STAB2: variants seen among roughly 807,000 people sequenced by gnomAD.
STAB2 encodes the protein stabilin 2, also known as stabilin-2.
Under a neutral mutation model 338.1 loss-of-function variants are expected in STAB2, and 288 were observed. The ratio of observed to expected loss-of-function variants is 0.85; its 90% CI spans 0.77 to 0.94. The LOEUF is 0.94. Ranked by LOEUF, STAB2 falls within the 40% of genes least tolerant of loss-of-function variation. STAB2 has a pLI of 0.00. For missense variants in STAB2, 3,141 were observed against 3,210.1 expected, an observed-to-expected ratio of 0.98 and a Z score of 0.52; for synonymous variants, 1,202 against 1,193.3, an observed-to-expected ratio of 1.01 and a Z score of -0.15.
rs548237724 is a variant in STAB2 at position 103,591,007 on chromosome 12, C to T, written c.192C>T (p.Gly64=). ...CPDGYTMITS[G]SVGVRDCRYT... ...ATGGTTACACCATGATTACCAGTGGCTCTGTAGGGGTTCGAGATTGCAGGT... is the reference window on the plus strand; with the variant it reads ...ATGGTTACACCATGATTACCAGTGGTTCTGTAGGGGTTCGAGATTGCAGGT... Residue 64 remains glycine, a synonymous_variant, in exon 2 of 69, where the codon GGC becomes GGT. Coordinates refer to ENST00000388887, the MANE Select transcript of STAB2 (RefSeq NM_017564.10). The T allele has an allele frequency of 8.4e-5, 136 of 1,614,022 alleles. 2 individuals carry two copies. In the South Asian group the frequency reaches 1.4e-3, roughly 16 times the overall value.
chr12:103,753,400 C>T (rs3751199), intron 61 of STAB2, 47 bp downstream of exon 61: 93 of 1,612,368 alleles, frequency 5.8e-5, no homozygotes, highest in African/African-American at 4.9e-4. Context: ...TCTGCAGGGG[C>T]GGAAGTGCAG....
At chr12:103,730,070 T>C (rs779739160) in intron 48 of STAB2, 46 bp from the exon 49 acceptor site, 2 of 1,522,346 alleles carry the variant, frequency 1.3e-6, no homozygotes, top group African/African-American at 2.8e-5. Context: ...ATTTTGTGTC[T>C]ATTTCACTTT....
chr12:103,642,408 C>A (rs1335339350), intron 9 of STAB2, among the ~76,000 whole-genome samples: 2 of 152,112 alleles, frequency 1.3e-5, no homozygotes, highest in Non-Finnish European at 2.9e-5. Context: ...AAAGTACAAA[C>A]AACAGTGAAG....
rs186637595 is a variant in STAB2 at position 103,684,229 on chromosome 12, A to G, written c.2902-760A>G. On this transcript the variant is annotated intron_variant, in intron 26 of 68. Coordinates refer to ENST00000388887, the MANE Select transcript of STAB2 (RefSeq NM_017564.10). ...ATGCCCTCTAATTTATTAGCACCCC[A>G]TGTCCCCGTTCAAAATCATAGAGGA... is the stretch of plus-strand genomic sequence containing the variant. Among the ~76,000 whole-genome samples, 38 of 152,220 alleles carry G rather than the reference A, an allele frequency of 2.5e-4. No homozygotes were observed. In the East Asian group the frequency reaches 6.8e-3, roughly 27 times the overall value.
chr12:103,631,457 TG>T lies in STAB2; in HGVS notation c.488-139del. 3 of 590,416 alleles carry T rather than the reference TG, an allele frequency of 5.1e-6. No homozygotes were observed. In the East Asian group the frequency reaches 8.5e-5, roughly 17 times the overall value. The allele number at this position is 590,416 out of a possible 1,614,324, so 36.6% of individuals were successfully genotyped here. A position where few individuals can be genotyped will look rare whatever the true frequency, so the allele number is the denominator to read the frequency against. On this transcript the variant is annotated intron_variant, in intron 5 of 68. Transcript: ENST00000388887. Reference sequence around the variant, plus strand: ...TGTTAAACTTAAAAAAAAAAAAACCTGGTGCTGATAAAAGAGAGAGGAGCCA... The same window carrying T: ...TGTTAAACTTAAAAAAAAAAAAACCTGTGCTGATAAAAGAGAGAGGAGCCA...
chr12:103,756,996 A>AATTATATAT (rs1884152726), intron 63 of STAB2, among the ~76,000 whole-genome samples: 1 of 56,382 alleles, frequency 1.8e-5, no homozygotes, highest in East Asian at 4.9e-4. Context: ...AAGGAGGGAA[A>AATTATATAT]ATATATATAT....
chr12:103,729,580 A>G (rs1365563402), intron 48 of STAB2, among the ~76,000 whole-genome samples: 1 of 152,248 alleles, frequency 6.6e-6, no homozygotes, highest in Non-Finnish European at 1.5e-5. Context: ...AGAAAGGTTA[A>G]GTAACTTGTC....
chr12:103,712,304 T>G, intron 40 of STAB2, 63 bp from the exon 41 acceptor site: 1 of 1,263,856 alleles, frequency 7.9e-7, no homozygotes, highest in Non-Finnish European at 1.2e-6. Flanking sequence ...AGGGCATTTG[T>G]GAGTCATGTG....
At chr12:103,606,112 C>T (rs936787734) in intron 3 of STAB2, among the ~76,000 whole-genome samples, 2 of 151,950 alleles carry the variant, frequency 1.3e-5, no homozygotes, top group Admixed American at 1.3e-4. Context: ...CTTTTGTCTC[C>T]TTTGTTGGCT....
intron 27 of STAB2, among the ~76,000 whole-genome samples, chr12:103,685,422 CTGTGTGTGTGTGTGTG>C (rs141365936): frequency 2.7e-4 from 39 of 145,906 alleles, no homozygotes; most frequent in African/African-American, 9.0e-4. Context: ...CTTACCCATG[CTGTGTGTGTGTGTGTG>C]TGTGTGTGTG....
chr12:103,627,714 G>A (rs1209131664), intron 5 of STAB2, among the ~76,000 whole-genome samples: 1 of 152,214 alleles, frequency 6.6e-6, no homozygotes, highest in Non-Finnish European at 1.5e-5. Context: ...TCATGCCAGG[G>A]CCATGGGCCA....
At chr12:103,739,345 A>G in intron 53 of STAB2, 67 bp from the exon 54 acceptor site, 1 of 1,430,662 alleles carries the variant, frequency 7.0e-7, no homozygotes. Context: ...CCAGGTATTA[A>G]TCAGGAACAT....
chr12:103,643,922 T>C (rs1390992152), intron 9 of STAB2, among the ~76,000 whole-genome samples: 33 of 54,398 alleles, frequency 6.1e-4, no homozygotes, highest in African/African-American at 8.5e-4. Flanking sequence ...GAGGAGCCCC[T>C]CTGCCCGGCC....
intron 27 of STAB2, 31 bp from the exon 28 acceptor site, chr12:103,688,137 C>T (rs1877597095): frequency 6.8e-6 from 11 of 1,606,988 alleles, no homozygotes; most frequent in Non-Finnish European, 8.5e-6. Context: ...TCTCCCATCT[C>T]TTCTTCCCTC....
In STAB2 at chr12:103,613,805, G is replaced by A. The variant is rs113390542; in HGVS notation, c.332-6663G>A. 3.2e-4 allele frequency among the ~76,000 whole-genome samples: 48 copies of A among 152,226 alleles called. 1 individual carries two copies. Among genetic ancestry groups the A allele is most frequent in the African/African-American group, 1.1e-3 (46 of 41,550 alleles). Reference sequence around the variant, plus strand: ...ATGCTGAGAGCTGTAGACTGGAGCTGTTCCTATTCGGCCATCTTGGAACCC... The same window carrying A: ...ATGCTGAGAGCTGTAGACTGGAGCTATTCCTATTCGGCCATCTTGGAACCC... On this transcript the variant is annotated intron_variant, in intron 3 of 68. Transcript: ENST00000388887.
intron 29 of STAB2, 114 bp downstream of exon 29, chr12:103,690,096 T>A: frequency 7.0e-7 from 1 of 1,423,082 alleles, no homozygotes; most frequent in South Asian, 1.4e-5. Context: ...GAGCTGAACA[T>A]GTTCTAGGAT....
intron 3 of STAB2, among the ~76,000 whole-genome samples, chr12:103,619,115 C>A (rs1478863210): frequency 6.6e-6 from 1 of 152,114 alleles, no homozygotes; most frequent in Non-Finnish European, 1.5e-5. Flanking sequence ...TTTAAATTAC[C>A]CGGTCTCAGG....
At chr12:103,696,937 G>C (rs1392041453) in intron 33 of STAB2, among the ~76,000 whole-genome samples, 2 of 152,228 alleles carry the variant, frequency 1.3e-5, no homozygotes, top group Admixed American at 1.3e-4. Context: ...TATTAAGTAT[G>C]TGGCTATGGA....
intron 34 of STAB2, among the ~76,000 whole-genome samples, chr12:103,700,849 TTTAA>T (rs1878798579): frequency 6.6e-6 from 1 of 152,198 alleles, no homozygotes; most frequent in Non-Finnish European, 1.5e-5. Context: ...CTTTCTTTTT[TTTAA>T]TTATTATTAT....
Sources: allele counts gnomAD v4.1 joint callset (sites outside exome capture counted in the v4.1 genomes callset), GRCh38; gene constraint gnomAD v4.1.1; transcripts MANE v1.5; gene names NCBI Gene and HGNC (gene_info 2026-07-23, HGNC 2026-07-21).